The following EPHA2 variants were observed in gnomAD, a reference collection of about 807,000 sequenced individuals.
EPHA2 encodes the protein EPH receptor A2.
In EPHA2, 54 loss-of-function variants were observed where a neutral mutation model predicts 104.9. The ratio of observed to expected loss-of-function variants is 0.51; its 90% confidence interval spans 0.41 to 0.65. The LOEUF (loss-of-function observed/expected upper bound fraction) is 0.65, where lower values mean the gene tolerates loss of function less well. Ranked by LOEUF, EPHA2 falls within the 30% of genes least tolerant of loss-of-function variation. The probability of loss-of-function intolerance (pLI) is 0.00; values close to 1 mark genes in which losing one functional copy is unlikely to be tolerated. For synonymous variants in EPHA2, 560 were observed against 559.1 expected (o/e 1.00, Z -0.02); for missense variants, 1,117 against 1,369.5 (o/e 0.82, Z 2.91).
chr1:16,136,876 G>A (rs1379042424), intron 5 of EPHA2, among the ~76,000 whole-genome samples: 5 of 149,730 alleles, frequency 3.3e-5, no homozygotes, highest in African/African-American at 1.2e-4. Flanking sequence ...TCGGCTCACC[G>A]CAACCTCCAC....
At chr1:16,141,681 G>T (rs1382779306) in intron 3 of EPHA2, among the ~76,000 whole-genome samples, 1 of 152,244 alleles carries the variant, frequency 6.6e-6, no homozygotes, top group Non-Finnish European at 1.5e-5. Flanking sequence ...ACAATGCCCC[G>T]ACTCCCCACC....
At position 16,131,712 on chromosome 1, in the gene EPHA2, G is replaced by T; in HGVS notation, c.2475+9C>A. The T allele has an allele frequency of 1.2e-6, 2 of 1,613,910 alleles. No homozygotes were observed. Among genetic ancestry groups the T allele is most frequent in the Non-Finnish European group, 1.7e-6 (2 of 1,180,012 alleles). On this transcript the variant is annotated intron_variant, in intron 14 of 16. Coordinates refer to ENST00000358432, the MANE Select transcript of EPHA2 (RefSeq NM_004431.5). This position sits in a 1 kb window ranked among gnomAD's most constrained non-coding sequence, Gnocchi z 5.2. Reference sequence around the variant, plus strand: ...TCCGGACAGGCCTGGGGAGGGCAAGGGCACCCACCTCGTGGTTGGACAACT... The same window carrying T: ...TCCGGACAGGCCTGGGGAGGGCAAGTGCACCCACCTCGTGGTTGGACAACT...
intron 5 of EPHA2, among the ~76,000 whole-genome samples, chr1:16,136,698 A>G (rs1470351970): frequency 3.9e-5 from 4 of 102,358 alleles, no homozygotes; most frequent in African/African-American, 2.9e-4. Flanking sequence ...AAGAGGAAGA[A>G]GAAGAAGAAG....
Position 16,124,952 on chromosome 1 carries a change from G to T in EPHA2, c.*263C>A. ...GTCCGAAGGCTGTGGCGGGGCTCCTGCTCCAGGGATGCTGGGACGTGGCGG... is the reference window on the plus strand; with the variant it reads ...GTCCGAAGGCTGTGGCGGGGCTCCTTCTCCAGGGATGCTGGGACGTGGCGG... On this transcript the variant is annotated 3_prime_UTR_variant, in exon 17 of 17. Coordinates refer to ENST00000358432, the MANE Select transcript of EPHA2 (RefSeq NM_004431.5). 1.9e-6 allele frequency: 1 copy of T among 512,990 alleles called. No homozygotes were observed. The highest frequency in any genetic ancestry group is 3.6e-6 in the Non-Finnish European group (1 of 281,336). The allele number at this position is 512,990 out of a possible 1,614,324, so 31.8% of individuals were successfully genotyped here.
chr1:16,124,915 T>G lies in EPHA2; in HGVS notation c.*300A>C. 5.1e-6 allele frequency: 2 copies of G among 395,584 alleles called. No homozygotes were observed. Among genetic ancestry groups the G allele is most frequent in the Non-Finnish European group, 9.5e-6 (2 of 209,846 alleles). 24.5% of individuals were successfully genotyped at this position (395,584 alleles called of 1,614,324 possible). A position where few individuals can be genotyped will look rare whatever the true frequency, so the allele number is the denominator to read the frequency against. On this transcript the variant is annotated 3_prime_UTR_variant, in exon 17 of 17. Coordinates refer to ENST00000358432, the MANE Select transcript of EPHA2 (RefSeq NM_004431.5). ...CGGAGGGAAGGTCGGCTTGGGAATA[T>G]CCCATATGTCTGTCCGAAGGCTGTG...
chr1:16,144,046 G>C (rs927146866), intron 3 of EPHA2, among the ~76,000 whole-genome samples: 1 of 152,050 alleles, frequency 6.6e-6, no homozygotes, highest in Admixed American at 6.6e-5. Flanking sequence ...CTCAGCCCCC[G>C]CCTACCGCTC....
rs2024436300 is a variant in EPHA2 at position 16,124,896 on chromosome 1, G to A, written c.*319C>T. Reference sequence around the variant, plus strand: ...GGCCTCATGTGGGAGAAGGCGGAGGGAAGGTCGGCTTGGGAATATCCCATA... The same window carrying A: ...GGCCTCATGTGGGAGAAGGCGGAGGAAAGGTCGGCTTGGGAATATCCCATA... On this transcript the variant is annotated 3_prime_UTR_variant, in exon 17 of 17. Coordinates refer to ENST00000358432, the MANE Select transcript of EPHA2 (RefSeq NM_004431.5). The A allele has an allele frequency of 1.5e-5, 5 of 333,192 alleles. No individual in the cohort carries two copies. The South Asian group carries it at 1.7e-4, about 12-fold the overall frequency. The allele number at this position is 333,192 out of a possible 1,614,324, so 20.6% of individuals were successfully genotyped here.
chr1:16,133,110 G>T (rs1477859680), intron 11 of EPHA2, 70 bp downstream of exon 11: 3 of 1,595,478 alleles, frequency 1.9e-6, no homozygotes, highest in Admixed American at 3.4e-5. Context: ...GGGGAGGTGG[G>T]CACAGTCACA....
Position 16,128,323 on chromosome 1 carries a change from C to T in EPHA2, c.2825+1111G>A, listed in dbSNP as rs1444340297. 4.6e-5 allele frequency among the ~76,000 whole-genome samples: 7 copies of T among 152,328 alleles called. No individual in the cohort carries two copies. The East Asian group carries it at 7.7e-4, about 17-fold the overall frequency. On this transcript the variant is annotated intron_variant, in intron 16 of 16. Coordinates refer to ENST00000358432, the MANE Select transcript of EPHA2 (RefSeq NM_004431.5). This position sits in a 1 kb window ranked among gnomAD's most constrained non-coding sequence, Gnocchi z 4.7. Reference sequence around the variant, plus strand: ...TCCATCTCCCCTCCCTACGTGTCCCCGCCTCCCCTCTGGTCGGCTCTGTTC... The same window carrying T: ...TCCATCTCCCCTCCCTACGTGTCCCTGCCTCCCCTCTGGTCGGCTCTGTTC...
At position 16,130,262 on chromosome 1, in the gene EPHA2, G is replaced by A. The variant is rs1557501802; in HGVS notation, c.2633C>T (p.Pro878Leu). Residue 878 changes from proline (P) to leucine (L), a missense_variant, in exon 15 of 17, where the codon CCT (proline) becomes CTT (leucine). Physicochemically the swap from Pro to Leu is moderately conservative, Grantham distance 98 (BLOSUM62 -3). Transcript: ENST00000358432. The surrounding 1 kb of genome is among the most constrained non-coding windows in gnomAD (Gnocchi z 4.5). ...VSILDKLIRAPDSLKTLADFD... is the reference protein window; with the variant it reads ...VSILDKLIRALDSLKTLADFD... ...GTCAGCCAGGGTCTTGAGGGAGTCAGGGGCACGAATGAGCTTGTCCAGGAT... is the reference window on the plus strand; with the variant it reads ...GTCAGCCAGGGTCTTGAGGGAGTCAAGGGCACGAATGAGCTTGTCCAGGAT... The A allele has an allele frequency of 1.2e-6, 2 of 1,614,114 alleles. No homozygotes were observed. The highest frequency in any genetic ancestry group is 1.7e-5 in the Admixed American group (1 of 60,028).
chr1:16,140,437 C>T (rs984445561), intron 3 of EPHA2, among the ~76,000 whole-genome samples: 9 of 152,172 alleles, frequency 5.9e-5, no homozygotes, highest in African/African-American at 1.9e-4. Flanking sequence ...AGCACTGTAC[C>T]CTCATTTAGT....
intron 3 of EPHA2, among the ~76,000 whole-genome samples, chr1:16,139,728 C>T (rs911647773): frequency 3.3e-5 from 5 of 152,086 alleles, no homozygotes; most frequent in African/African-American, 1.2e-4. Context: ...ATGACTAATA[C>T]GGAAGGTATG....
intron 16 of EPHA2, among the ~76,000 whole-genome samples, chr1:16,129,032 G>T (rs2024521842): frequency 6.6e-6 from 1 of 151,734 alleles, no homozygotes; most frequent in African/African-American, 2.4e-5. Context: ...CCTCATGGCT[G>T]TGGGACCCTG....
rs1213040926 is a variant in EPHA2 at position 16,132,373 on chromosome 1, C to T, written c.2115+5G>A. 2 of 1,614,050 alleles carry T rather than the reference C, an allele frequency of 1.2e-6. No homozygotes were observed. The highest frequency in any genetic ancestry group is 3.3e-5 in the Admixed American group (2 of 60,012). ...ATCCCCGCCCCCTACAACCCACATC[C>T]TTACCCGAAGGAACTTGTCCAGGGC... On this transcript the variant is annotated splice_donor_5th_base_variant and intron_variant, in intron 12 of 16. Coordinates refer to ENST00000358432, the MANE Select transcript of EPHA2 (RefSeq NM_004431.5).
intron 1 of EPHA2, among the ~76,000 whole-genome samples, chr1:16,154,028 G>T (rs779359145): frequency 1.6e-4 from 25 of 152,136 alleles, no homozygotes; most frequent in Non-Finnish European, 3.4e-4. Context: ...GGGGTGTGGG[G>T]GTGGGGTTTA....
chr1:16,154,753 TCTC>T, intron 1 of EPHA2, among the ~76,000 whole-genome samples: 1 of 50,266 alleles, frequency 2.0e-5, no homozygotes, highest in African/African-American at 7.4e-5. Context: ...CGAAACTCCG[TCTC>T]AAAAAAAAAA....
intron 1 of EPHA2, among the ~76,000 whole-genome samples, chr1:16,153,594 G>T (rs1424199327): frequency 6.6e-6 from 1 of 152,208 alleles, no homozygotes; most frequent in Non-Finnish European, 1.5e-5. Context: ...CAGCCAAGAA[G>T]CGGGATGCTC....
chr1:16,135,769 C>T lies in EPHA2; in HGVS notation c.1314G>A (p.Glu438=), dbSNP rs55700006. The T allele has an allele frequency of 2.8e-3, 4,463 of 1,610,768 alleles. 32 individuals are homozygous for T. Among genetic ancestry groups the T allele is most frequent in the Non-Finnish European group, 2.9e-3 (3,416 of 1,178,436 alleles). ...RTASVSINQT[E]PPKVRLEGRS... The stretch of plus-strand genomic sequence containing the variant: ...GGCCCTCCAGCCTCACCTTGGGGGG[C>T]TCTGGGCAGGACAGGCAGTGGGGGA... The change falls in exon 6 of 17, where the codon GAG becomes GAA. Residue 438 remains glutamate (E), a splice_region_variant and synonymous_variant. Transcript: ENST00000358432. The surrounding 1 kb of genome is among the most constrained non-coding windows in gnomAD (Gnocchi z 4.3).
At position 16,150,956 on chromosome 1, in the gene EPHA2, C is replaced by T. The variant is rs1431192924; in HGVS notation, c.93G>A (p.Leu31=). 6.2e-7 allele frequency: 1 copy of T among 1,614,068 alleles called. No homozygotes were observed. Among genetic ancestry groups the T allele is most frequent in the Admixed American group, 1.7e-5 (1 of 60,012 alleles). ...AAAAQGKEVV[L]LDFAAAGGEL... Reference sequence around the variant, plus strand: ...CCCCTCCAGCTGCAGCAAAGTCCAGCAGTACCACTGAAAGGGAGAAGGGAG... The same window carrying T: ...CCCCTCCAGCTGCAGCAAAGTCCAGTAGTACCACTGAAAGGGAGAAGGGAG... The change falls in exon 2 of 17, where the codon CTG becomes CTA. Residue 31 remains leucine (L), a synonymous_variant. Coordinates refer to ENST00000358432, the MANE Select transcript of EPHA2 (RefSeq NM_004431.5). The surrounding 1 kb of genome is among the most constrained non-coding windows in gnomAD (Gnocchi z 4.8).
Sources: allele counts gnomAD v4.1 joint callset (sites outside exome capture counted in the v4.1 genomes callset), GRCh38; gene constraint gnomAD v4.1.1; non-coding constraint Gnocchi (gnomAD v3.1); transcripts MANE v1.5; gene names NCBI Gene and HGNC (gene_info 2026-07-23, HGNC 2026-07-21).